The following SLC16A12 variants were observed in gnomAD, a reference collection of about 807,000 sequenced individuals.
The protein encoded by SLC16A12 is monocarboxylate transporter 12.
In SLC16A12, 17 loss-of-function variants were observed where a neutral mutation model predicts 42.4. That is an observed-to-expected ratio of 0.40 (90% CI 0.27 to 0.60). SLC16A12 has a LOEUF of 0.60. SLC16A12 is among the 20% of genes least tolerant of loss of function. The probability of loss-of-function intolerance (pLI) is 0.42; values close to 1 mark genes in which losing one functional copy is unlikely to be tolerated. For synonymous variants in SLC16A12, 224 were observed against 229.4 expected, an observed-to-expected ratio of 0.98 and a Z score of 0.21; for missense variants, 544 against 623.0, an observed-to-expected ratio of 0.87 and a Z score of 1.35.
In SLC16A12 at chr10:89,482,781, C is replaced by CT. The variant is rs565249817; in HGVS notation, c.-46-20158dup. Among the ~76,000 whole-genome samples, 40 of 121,816 alleles carry CT rather than the reference C, an allele frequency of 3.3e-4. 2 individuals carry two copies. In the South Asian group the frequency reaches 9.1e-3, roughly 28 times the overall value. The allele number at this position is 121,816 out of a possible 152,430, so 79.9% of individuals were successfully genotyped here. On this transcript the variant is annotated intron_variant, in intron 2 of 7. Transcript: ENST00000371790. ...CTGGGTGACAAGAGTGAGACCCTGTCTAAAAAAAAAAAAAAATGTCTAATA... is the reference window on the plus strand; with the variant it reads ...CTGGGTGACAAGAGTGAGACCCTGTCTTAAAAAAAAAAAAAAATGTCTAATA...
chr10:89,459,523 T>TGTGC (rs1229409350), intron 3 of SLC16A12, among the ~76,000 whole-genome samples: 1 of 151,626 alleles, frequency 6.6e-6, no homozygotes, highest in Non-Finnish European at 1.5e-5. Context: ...TTTATGTGTG[T>TGTGC]GTGTGTGTGT....
intron 2 of SLC16A12, chr10:89,467,941 T>C (rs78718524): frequency 6.6e-6 from 1 of 152,218 alleles, no homozygotes; most frequent in Non-Finnish European, 1.5e-5. Flanking sequence ...AAATAAAATG[T>C]TCTGTTTCTT....
At chr10:89,476,170 T>C (rs1287706813) in intron 2 of SLC16A12, among the ~76,000 whole-genome samples, 1 of 152,208 alleles carries the variant, frequency 6.6e-6, no homozygotes, top group Admixed American at 6.5e-5. Flanking sequence ...GAGTATGGCA[T>C]CATTAAGTCA....
In SLC16A12 at chr10:89,441,453, C is replaced by A. The variant is rs575375880; in HGVS notation, c.305-202G>T. On this transcript the variant is annotated intron_variant, in intron 4 of 7. Transcript: ENST00000371790. ...AATAAGCAGCAGGGTTGGAATAGAA[C>A]TCAAGTCTCCTGACCTGCATTTCAG... 7.2e-5 allele frequency among the ~76,000 whole-genome samples: 11 copies of A among 152,260 alleles called. No homozygotes were observed. In the South Asian group the frequency reaches 1.9e-3, roughly 26 times the overall value.
chr10:89,457,298 C>T (rs1260719909), intron 3 of SLC16A12, among the ~76,000 whole-genome samples: 2 of 151,936 alleles, frequency 1.3e-5, no homozygotes, highest in African/African-American at 4.8e-5. Context: ...AACAAACAAC[C>T]CCATTAAAAA....
intron 2 of SLC16A12, among the ~76,000 whole-genome samples, chr10:89,548,164 G>T (rs1843752047): frequency 6.6e-6 from 1 of 152,158 alleles, no homozygotes; most frequent in African/African-American, 2.4e-5. Context: ...GTATTTGTCA[G>T]TGTATTCTCC....
At chr10:89,493,345 C>G (rs188613370) in intron 2 of SLC16A12, among the ~76,000 whole-genome samples, 1 of 151,988 alleles carries the variant, frequency 6.6e-6, no homozygotes, top group African/African-American at 2.4e-5. Context: ...GCCTCTGCCT[C>G]CCAAGTAGCT....
chr10:89,542,906 G>T (rs146743242), intron 2 of SLC16A12, among the ~76,000 whole-genome samples: 28 of 152,188 alleles, frequency 1.8e-4, no homozygotes, highest in African/African-American at 6.5e-4. Flanking sequence ...ACACTAATGG[G>T]CACCCTCTGT....
intron 2 of SLC16A12, among the ~76,000 whole-genome samples, chr10:89,550,479 A>G (rs1843764034): frequency 6.6e-6 from 1 of 152,224 alleles, no homozygotes; most frequent in South Asian, 2.1e-4. Context: ...AGATCGCGCC[A>G]CTGCACTCCA....
intron 3 of SLC16A12, among the ~76,000 whole-genome samples, chr10:89,450,578 C>A (rs1463748777): frequency 6.6e-6 from 1 of 152,112 alleles, no homozygotes; most frequent in African/African-American, 2.4e-5. Context: ...GGACACAGGG[C>A]AGGGAACGGC....
At chr10:89,537,164 T>A (rs1843678073), upstream of SLC16A12, among the ~76,000 whole-genome samples, 1 of 151,264 alleles carries the variant, frequency 6.6e-6, no homozygotes, top group African/African-American at 2.4e-5. Context: ...TTTTTTTTTT[T>A]TGGGAAGGAG....
chr10:89,435,994 G>T, intron 7 of SLC16A12, 66 bp downstream of exon 7: 1 of 1,602,898 alleles, frequency 6.2e-7, no homozygotes, highest in African/African-American at 1.3e-5. Context: ...CTGCATGTGG[G>T]TTTGCTGTTT....
intron 2 of SLC16A12, 53 bp from the exon 3 acceptor site, chr10:89,462,677 G>A: frequency 6.8e-7 from 1 of 1,472,756 alleles, no homozygotes; most frequent in Non-Finnish European, 8.9e-7. Context: ...TCCAAAGGTT[G>A]ATTTTTCTTC....
chr10:89,539,877 C>CTTTCTTTCTTTCTTTCTTTCTTTA (rs1554833997), upstream of SLC16A12, among the ~76,000 whole-genome samples: 254 of 144,250 alleles, frequency 1.8e-3, no homozygotes, highest in Middle Eastern at 6.9e-3. Context: ...TTCTTTCTTT[C>CTTTCTTTCTTTCTTTCTTTCTTTA]TTTCTTTCTT....
Position 89,462,203 on chromosome 10 carries a change from A to G in SLC16A12, c.200+176T>C, listed in dbSNP as rs544117977. 2.0e-5 allele frequency among the ~76,000 whole-genome samples: 3 copies of G among 152,374 alleles called. No individual in the cohort carries two copies. The South Asian group carries it at 6.2e-4, about 32-fold the overall frequency. ...CCACTATCTGGGACTCATAAGTGTC[A>G]GAGAATCACATACTTTGCAAAGAAA... is the stretch of plus-strand genomic sequence containing the variant. On this transcript the variant is annotated intron_variant, in intron 3 of 7. Transcript: ENST00000371790.
intron 2 of SLC16A12, among the ~76,000 whole-genome samples, chr10:89,488,795 A>T (rs939641349): frequency 6.6e-6 from 1 of 152,182 alleles, no homozygotes; most frequent in Non-Finnish European, 1.5e-5. Context: ...CTCCTTGTAA[A>T]CTAGACAGAT....
At chr10:89,481,662 T>TGAGA (rs1490094967) in intron 2 of SLC16A12, among the ~76,000 whole-genome samples, 1,471 of 136,786 alleles carry the variant, frequency 0.011, 33 homozygotes, top group Middle Eastern at 0.016. Context: ...TGTGTGTGTG[T>TGAGA]GTGAGAGAGA....
chr10:89,438,473 A>T, intron 6 of SLC16A12, 131 bp downstream of exon 6: 1 of 828,084 alleles, frequency 1.2e-6, no homozygotes, highest in Non-Finnish European at 1.9e-6. Flanking sequence ...CCAGCAAGGG[A>T]GATGCCTTCA....
At chr10:89,485,173 A>G (rs1014954575) in intron 2 of SLC16A12, among the ~76,000 whole-genome samples, 3 of 152,204 alleles carry the variant, frequency 2.0e-5, no homozygotes, top group Non-Finnish European at 4.4e-5. Context: ...GGCAATGTCT[A>G]TAGAGGCATA....
Sources: allele counts gnomAD v4.1 joint callset (sites outside exome capture counted in the v4.1 genomes callset), GRCh38; gene constraint gnomAD v4.1.1; transcripts MANE v1.5; gene names NCBI Gene and HGNC (gene_info 2026-07-23, HGNC 2026-07-21).